YES1: variants seen among roughly 807,000 people sequenced by gnomAD.
YES1 encodes the protein YES proto-oncogene 1, Src family tyrosine kinase, also known as tyrosine-protein kinase Yes.
YES1 carries 39 observed loss-of-function variants against 70.4 expected under a neutral mutation model. The ratio of observed to expected loss-of-function variants is 0.55; its 90% CI spans 0.43 to 0.72. The LOEUF (loss-of-function observed/expected upper bound fraction) is 0.72, where lower values mean the gene tolerates loss of function less well. Ranked by LOEUF, YES1 falls within the 30% of genes least tolerant of loss-of-function variation. YES1 has a pLI of 0.00. For missense variants in YES1, 495 were observed against 644.8 expected (o/e 0.77, Z 2.52); for synonymous variants, 198 against 218.6 (o/e 0.91, Z 0.83).
intron 1 of YES1, 118 bp from the exon 2 acceptor site, chr18:756,953 A>G (rs2080415371): frequency 2.9e-6 from 3 of 1,018,874 alleles, no homozygotes; most frequent in Non-Finnish European, 4.2e-6. Flanking sequence ...AGGAACATAA[A>G]CAAAACAAAA....
chr18:725,227 C>T (rs931993604), intron 11 of YES1, among the ~76,000 whole-genome samples: 1 of 151,922 alleles, frequency 6.6e-6, no homozygotes, highest in East Asian at 1.9e-4. Flanking sequence ...TATCACAGGA[C>T]AGCAAAATGC....
chr18:729,579 G>T (rs1344695881), intron 11 of YES1, among the ~76,000 whole-genome samples: 1 of 143,480 alleles, frequency 7.0e-6, no homozygotes, highest in Admixed American at 7.0e-5. Flanking sequence ...CTAACTCCAA[G>T]ATTTGGATTA....
At chr18:769,303 C>G (rs1216398899) in intron 1 of YES1, among the ~76,000 whole-genome samples, 1 of 152,146 alleles carries the variant, frequency 6.6e-6, no homozygotes, top group African/African-American at 2.4e-5. Context: ...TGTGACTGTA[C>G]TAAACTCTTA....
intron 11 of YES1, among the ~76,000 whole-genome samples, chr18:731,304 G>A (rs2080084849): frequency 6.6e-6 from 1 of 152,198 alleles, no homozygotes; most frequent in African/African-American, 2.4e-5. Flanking sequence ...TCATCACCAT[G>A]TGTATTAAGA....
At position 722,465 on chromosome 18, in the gene YES1, A is replaced by G. The variant is rs1027472520; in HGVS notation, c.*1959T>C. 13 of 152,722 alleles carry G rather than the reference A, an allele frequency of 8.5e-5. 1 individual carries two copies. The highest frequency in any genetic ancestry group is 2.0e-4 in the Admixed American group (3 of 15,292). 9.5% of individuals were successfully genotyped at this position (152,722 alleles called of 1,614,324 possible). ...AGGTAAATAATGATAGTTAAGAATT[A>G]TATCCTGAAAATAGAGGGGCCTAAT... On this transcript the variant is annotated 3_prime_UTR_variant, in exon 12 of 12. Transcript: ENST00000314574.
At chr18:766,552 A>G (rs372886586) in intron 1 of YES1, among the ~76,000 whole-genome samples, 80 of 151,892 alleles carry the variant, frequency 5.3e-4, no homozygotes, top group Middle Eastern at 3.4e-3. Context: ...CCATAAATAC[A>G]AAAACATAGA....
intron 10 of YES1, among the ~76,000 whole-genome samples, chr18:734,329 C>T (rs537960122): frequency 9.3e-5 from 14 of 151,222 alleles, no homozygotes; most frequent in Middle Eastern, 3.4e-3. Context: ...CCGAGGTGGG[C>T]GGATCATGAG....
rs71174280 is a variant in YES1, at chr18:733,782, C to CAA, written c.1292-819_1292-818dup. ...TGGGCAACAGAGTGAGACTCCGTCT[C>CAA]AAAAAAAAAAAAAAAAAAAAAAAAA... On this transcript the variant is annotated intron_variant, in intron 10 of 11. Transcript: ENST00000314574. Among the ~76,000 whole-genome samples the CAA allele has an allele frequency of 4.4e-3, 263 of 59,240 alleles. 41 individuals are homozygous for CAA. The highest frequency in any genetic ancestry group is 0.017 in the Middle Eastern group (1 of 58). 38.9% of individuals were successfully genotyped at this position (59,240 alleles called of 152,430 possible).
At chr18:760,894 CA>C (rs1216205922) in intron 1 of YES1, among the ~76,000 whole-genome samples, 1 of 152,098 alleles carries the variant, frequency 6.6e-6, no homozygotes, top group Non-Finnish European at 1.5e-5. Context: ...TAAATGTACA[CA>C]TGTGGAATCT....
chr18:726,468 G>A (rs558475935), intron 11 of YES1, among the ~76,000 whole-genome samples: 1 of 151,114 alleles, frequency 6.6e-6, no homozygotes, highest in South Asian at 2.1e-4. Context: ...AGAATTTTCT[G>A]ATAATTAGAA....
chr18:785,665 T>C (rs1905900133), intron 1 of YES1, among the ~76,000 whole-genome samples: 1 of 152,176 alleles, frequency 6.6e-6, no homozygotes, highest in Admixed American at 6.5e-5. Context: ...AAATAGGTTA[T>C]GAGGACTGTG....
intron 1 of YES1, among the ~76,000 whole-genome samples, chr18:800,187 T>C (rs1012511719): frequency 6.6e-6 from 1 of 152,244 alleles, no homozygotes; most frequent in Non-Finnish European, 1.5e-5. Context: ...TGCATGAGCT[T>C]TTAGTGAAGA....
At chr18:739,135 T>C (rs2080188752) in intron 9 of YES1, 1 of 152,204 alleles carries the variant, frequency 6.6e-6, no homozygotes, top group African/African-American at 2.4e-5. Context: ...TGGAAACATC[T>C]ATTTTCTAAG....
At chr18:758,845 T>TC in intron 1 of YES1, among the ~76,000 whole-genome samples, 1 of 152,344 alleles carries the variant, frequency 6.6e-6, no homozygotes, top group Admixed American at 6.5e-5. Flanking sequence ...ATCTATCATA[T>TC]AGGTTTACTA....
intron 11 of YES1, among the ~76,000 whole-genome samples, chr18:724,861 T>C (rs1456663792): frequency 6.6e-6 from 1 of 152,238 alleles, no homozygotes; most frequent in Non-Finnish European, 1.5e-5. Context: ...ATCTTATTTT[T>C]AATACTAATG....
intron 1 of YES1, among the ~76,000 whole-genome samples, chr18:757,770 T>G (rs1180786804): frequency 6.9e-6 from 1 of 145,554 alleles, no homozygotes; most frequent in African/African-American, 2.5e-5. Flanking sequence ...TGCAGTAAGC[T>G]GACATCGTGC....
At chr18:747,126 AATG>A (rs574017865) in intron 4 of YES1, among the ~76,000 whole-genome samples, 188 of 152,292 alleles carry the variant, frequency 1.2e-3, no homozygotes, top group African/African-American at 4.3e-3. Flanking sequence ...ATAATCATAA[AATG>A]ATAATAAATC....
chr18:735,871 T>A (rs1386107173), intron 10 of YES1: 1 of 152,104 alleles, frequency 6.6e-6, no homozygotes, highest in Non-Finnish European at 1.5e-5. Flanking sequence ...GTTAGGATTT[T>A]CACATGTAAA....
At chr18:754,327 T>C (rs2080378752) in intron 2 of YES1, among the ~76,000 whole-genome samples, 1 of 152,142 alleles carries the variant, frequency 6.6e-6, no homozygotes, top group African/African-American at 2.4e-5. Flanking sequence ...TCTCTCTGTA[T>C]CTCCTAAATG....
Sources: gnomAD v4.1 joint callset for allele counts (sites outside exome capture counted in the v4.1 genomes callset) on GRCh38, gnomAD v4.1.1 for gene constraint, MANE v1.5 for transcripts, NCBI Gene and HGNC (gene_info 2026-07-23, HGNC 2026-07-21) for gene names.